MORC4: variants seen among roughly 807,000 people sequenced by gnomAD.
MORC4 encodes the protein MORC family CW-type zinc finger 4.
A neutral mutation model predicts 65.5 loss-of-function variants in MORC4; 22 were observed. The ratio of observed to expected loss-of-function variants is 0.34; its 90% CI spans 0.24 to 0.48. The LOEUF is 0.48. Ranked by LOEUF, MORC4 falls within the 20% of genes least tolerant of loss-of-function variation. The pLI is 0.99. For missense variants in MORC4, 624 were observed against 703.0 expected (o/e 0.89, Z 1.27); for synonymous variants, 267 against 255.8 (o/e 1.04, Z -0.42).
chrX:106,958,738 C>G, intron 10 of MORC4, among the ~76,000 whole-genome samples: 1 of 111,461 alleles, frequency 9.0e-6, no homozygotes, highest in South Asian at 3.8e-4. Flanking sequence ...AACCAAAAAC[C>G]ACTTGTACCC....
chrX:106,975,057 T>C (rs769560671), intron 9 of MORC4, among the ~76,000 whole-genome samples: 2 of 111,620 alleles, frequency 1.8e-5, no homozygotes, highest in African/African-American at 6.5e-5. Flanking sequence ...TCTGATCCAC[T>C]GCAATCACCT....
At chrX:106,976,459 A>T (rs1434357610) in intron 9 of MORC4, 125 bp downstream of exon 9, 1 of 425,090 alleles carries the variant, frequency 2.4e-6, no homozygotes, top group African/African-American at 2.5e-5. Flanking sequence ...ATCTTGGAAA[A>T]CAAATTTGAA....
At chrX:106,997,888 A>C (rs1041648173) in intron 2 of MORC4, among the ~76,000 whole-genome samples, 8 of 111,950 alleles carry the variant, frequency 7.1e-5, no homozygotes, top group African/African-American at 9.7e-5. Flanking sequence ...TCTTCCTGAT[A>C]AACTGGAAGC....
chrX:106,971,956 T>C (rs907313918), intron 9 of MORC4, among the ~76,000 whole-genome samples: 2 of 111,891 alleles, frequency 1.8e-5, no homozygotes, highest in African/African-American at 3.2e-5. Context: ...GACCCAGCAA[T>C]CCCATTACTG....
At chrX:106,985,679 G>GAA (rs112124198) in intron 4 of MORC4, among the ~76,000 whole-genome samples, 1 of 100,133 alleles carries the variant, frequency 1.0e-5, no homozygotes, top group East Asian at 3.1e-4. Context: ...ATCCTTAGGG[G>GAA]AAAAAAAAAA....
intron 6 of MORC4, 57 bp downstream of exon 6, chrX:106,981,288 T>C (rs1212658665): frequency 2.8e-6 from 3 of 1,081,344 alleles, no homozygotes; most frequent in Non-Finnish European, 3.7e-6. Flanking sequence ...TGTTCTATAA[T>C]ATTTTCAGGT....
intron 5 of MORC4, 25 bp downstream of exon 5, chrX:106,985,071 A>G (rs1242176272): frequency 1.8e-6 from 2 of 1,124,978 alleles, no homozygotes; most frequent in African/African-American, 3.6e-5. Flanking sequence ...GTTTATTAGA[A>G]TCTATCACCC....
intron 5 of MORC4, among the ~76,000 whole-genome samples, chrX:106,982,417 G>T (rs1934766746): frequency 9.0e-6 from 1 of 111,002 alleles, no homozygotes; most frequent in South Asian, 3.8e-4. Context: ...CCTTTTACAG[G>T]GCTGCACCAG....
intron 14 of MORC4, among the ~76,000 whole-genome samples, 172 bp from the exon 15 acceptor site, chrX:106,943,377 G>C (rs1381784562): frequency 2.7e-5 from 3 of 111,714 alleles, no homozygotes; most frequent in African/African-American, 9.8e-5. Context: ...CATTTCACTA[G>C]TGCGACTGGT....
At chrX:106,983,341 A>G (rs948732955) in intron 5 of MORC4, among the ~76,000 whole-genome samples, 1 of 112,309 alleles carries the variant, frequency 8.9e-6, no homozygotes, top group Admixed American at 9.4e-5. Context: ...TAAATTACCA[A>G]TGTGTGAGTC....
At chrX:106,976,917 C>A (rs1458161173) in intron 8 of MORC4, among the ~76,000 whole-genome samples, 1 of 111,215 alleles carries the variant, frequency 9.0e-6, no homozygotes, top group Non-Finnish European at 1.9e-5. Flanking sequence ...CCATAGATCC[C>A]TAGGAGTCTT....
At chrX:106,976,537 A>G in intron 9 of MORC4, 47 bp downstream of exon 9, 4 of 837,876 alleles carry the variant, frequency 4.8e-6, no homozygotes, top group Non-Finnish European at 5.3e-6. Flanking sequence ...GAACAGAATC[A>G]TATCTGAACA....
At chrX:106,986,910 T>C (rs1934880974) in intron 3 of MORC4, among the ~76,000 whole-genome samples, 2 of 112,058 alleles carry the variant, frequency 1.8e-5, no homozygotes, top group South Asian at 3.8e-4. Flanking sequence ...ACAATCTCTG[T>C]AGCCCCTTTT....
At chrX:106,947,631 C>A (rs1933882146) in intron 14 of MORC4, among the ~76,000 whole-genome samples, 1 of 94,389 alleles carries the variant, frequency 1.1e-5, no homozygotes, top group African/African-American at 3.9e-5. Context: ...TGCAAAGATA[C>A]AGATAGGTTG....
intron 3 of MORC4, 111 bp downstream of exon 3, chrX:106,993,119 T>C: frequency 1.2e-6 from 1 of 815,132 alleles, no homozygotes; most frequent in Non-Finnish European, 1.7e-6. Context: ...AGATGCTTAA[T>C]AAATATTTGT....
At chrX:106,961,939 A>G in intron 10 of MORC4, 73 bp downstream of exon 10, 1 of 890,472 alleles carries the variant, frequency 1.1e-6, no homozygotes, top group East Asian at 3.2e-5. Flanking sequence ...ATCCAGACAC[A>G]TTACCCTTGT....
intron 9 of MORC4, among the ~76,000 whole-genome samples, chrX:106,971,676 C>T (rs1199334294): frequency 8.9e-6 from 1 of 112,236 alleles, no homozygotes; most frequent in African/African-American, 3.2e-5. Flanking sequence ...AGACACTTCT[C>T]AAAAGAAGAC....
Position 107,000,026 on chromosome X carries a change from G to T in MORC4, c.-57C>A. ...CGCCGGACCCCTGGCCCGGCGGTCC[G>T]GGACTAGCCCTCGCTCACTTCCACT... is the stretch of plus-strand genomic sequence containing the variant. On this transcript the variant is annotated 5_prime_UTR_variant, in exon 1 of 17. Transcript: ENST00000355610. The T allele has an allele frequency of 1.9e-6, 1 of 526,187 alleles. No individual in the cohort carries two copies. Among genetic ancestry groups the T allele is most frequent in the Non-Finnish European group, 2.5e-6 (1 of 401,398 alleles). The allele number at this position is 526,187 out of a possible 1,213,427, so 43.4% of individuals were successfully genotyped here.
At chrX:106,959,252 T>C (rs1934177633) in intron 10 of MORC4, among the ~76,000 whole-genome samples, 1 of 111,263 alleles carries the variant, frequency 9.0e-6, no homozygotes, top group Non-Finnish European at 1.9e-5. Context: ...GTGAATTTGT[T>C]TCTCTGAGAA....
Sources: allele counts gnomAD v4.1 joint callset (sites outside exome capture counted in the v4.1 genomes callset), GRCh38; gene constraint gnomAD v4.1.1; transcripts MANE v1.5; gene names NCBI Gene and HGNC (gene_info 2026-07-23, HGNC 2026-07-21).